Variants in GANC observed in about 807,000 individuals in gnomAD.
GANC encodes the protein glucosidase alpha, neutral C.
Under a neutral mutation model 124.2 loss-of-function variants are expected in GANC, and 117 were observed. That is an observed-to-expected ratio of 0.94 (90% CI 0.81 to 1.10). GANC has a LOEUF of 1.10. Among genes scored for constraint, GANC ranks in the 50% least tolerant of loss-of-function variants. The probability of loss-of-function intolerance (pLI) is 0.00; values close to 1 mark genes in which losing one functional copy is unlikely to be tolerated. For synonymous variants in GANC, 377 were observed against 376.8 expected, an observed-to-expected ratio of 1.00 and a Z score of -0.01; for missense variants, 1,140 against 1,095.0, an observed-to-expected ratio of 1.04 and a Z score of -0.58.
chr15:42,293,866 T>C (rs2051866742), intron 5 of GANC, among the ~76,000 whole-genome samples: 1 of 151,296 alleles, frequency 6.6e-6, no homozygotes, highest in South Asian at 2.1e-4. Context: ...CTGGGCAACA[T>C]GGTGAAACCC....
rs192079596 is a variant in GANC, at chr15:42,324,904, G to A, written c.1294-1394G>A. ...ACATTATGACTGTACATACTTAACA[G>A]TACTAAACTGCACACTTAAAAATGG... On this transcript the variant is annotated intron_variant, in intron 11 of 23. Transcript: ENST00000318010. Among the ~76,000 whole-genome samples, 17 of 152,186 alleles carry A rather than the reference G, an allele frequency of 1.1e-4. No homozygotes were observed. The South Asian group carries it at 2.5e-3, about 22-fold the overall frequency.
At chr15:42,348,877 ACTATGGGT>A (rs1366221635) in intron 21 of GANC, among the ~76,000 whole-genome samples, 1 of 152,208 alleles carries the variant, frequency 6.6e-6, no homozygotes, top group Admixed American at 6.5e-5. Context: ...CTTGGGCCAA[ACTATGGGT>A]CCCAGACCCA....
intron 18 of GANC, 128 bp from the exon 19 acceptor site, chr15:42,342,950 C>T (rs113126535): frequency 0.073 from 51,252 of 701,842 alleles, 2,625 homozygotes; most frequent in South Asian, 0.17. Flanking sequence ...TCAAGTCAGT[C>T]TCTGCCTCTC....
chr15:42,352,028 A>C lies in GANC; in HGVS notation c.2636-2A>C. 6.2e-7 allele frequency: 1 copy of C among 1,614,034 alleles called. No homozygotes were observed. The highest frequency in any genetic ancestry group is 2.2e-5 in the East Asian group (1 of 44,880). On this transcript the variant is annotated splice_acceptor_variant, in intron 23 of 23. Transcript: ENST00000318010. LOFTEE classifies it high-confidence loss of function. ...TCCCTCTTTTATTGTCTTGCTATTT[A>C]GATGGTAAAGATCAGCCTGTGGCTT...
intron 10 of GANC, among the ~76,000 whole-genome samples, chr15:42,316,510 A>G (rs548498789): frequency 6.2e-4 from 95 of 152,252 alleles, no homozygotes; most frequent in African/African-American, 2.2e-3. Context: ...ATTTTCTTCT[A>G]TGCGTTTTCT....
chr15:42,273,632 C>T lies in GANC; in HGVS notation c.-850C>T. ...ACCTGGTCAGCTGGGTTAGAGAGATCGCTACATGCCAGCCTGGCCTGAGTC... is the reference window on the plus strand; with the variant it reads ...ACCTGGTCAGCTGGGTTAGAGAGATTGCTACATGCCAGCCTGGCCTGAGTC... On this transcript the variant is annotated 5_prime_UTR_variant, in exon 1 of 24. Transcript: ENST00000318010. The T allele has an allele frequency of 3.2e-6, 2 of 615,628 alleles. No individual in the cohort carries two copies. The highest frequency in any genetic ancestry group is 4.1e-5 in the South Asian group (2 of 48,238). 38.1% of individuals were successfully genotyped at this position (615,628 alleles called of 1,614,324 possible).
At chr15:42,314,548 T>C (rs1376344404) in intron 10 of GANC, 2 of 229,384 alleles carry the variant, frequency 8.7e-6, no homozygotes, top group African/African-American at 4.7e-5. Context: ...AATGAAAGAA[T>C]AGACACTAAA....
At chr15:42,326,973 T>C (rs1304123969) in intron 12 of GANC, among the ~76,000 whole-genome samples, 2 of 152,362 alleles carry the variant, frequency 1.3e-5, no homozygotes, top group East Asian at 1.9e-4. Flanking sequence ...CATAAATCCA[T>C]GCACTGTAGA....
At chr15:42,285,075 A>G (rs897823388) in intron 3 of GANC, among the ~76,000 whole-genome samples, 5 of 152,230 alleles carry the variant, frequency 3.3e-5, no homozygotes, top group African/African-American at 1.2e-4. Flanking sequence ...TATTTTATTT[A>G]TAAATATCCA....
chr15:42,325,011 C>T (rs1455170154), intron 11 of GANC, among the ~76,000 whole-genome samples: 2 of 152,040 alleles, frequency 1.3e-5, no homozygotes, highest in African/African-American at 4.8e-5. Context: ...CACCTGTAAT[C>T]CCAGCACTTT....
intron 10 of GANC, among the ~76,000 whole-genome samples, chr15:42,311,892 A>G (rs925206976): frequency 6.6e-6 from 1 of 152,232 alleles, no homozygotes; most frequent in Non-Finnish European, 1.5e-5. Flanking sequence ...CGCAATGAAC[A>G]ATCCAAAAAA....
At chr15:42,346,474 G>T (rs2052364734) in intron 20 of GANC, among the ~76,000 whole-genome samples, 1 of 152,132 alleles carries the variant, frequency 6.6e-6, no homozygotes, top group South Asian at 2.1e-4. Flanking sequence ...GCTGAAAACT[G>T]TTTAATTGTA....
At chr15:42,344,391 C>G (rs943391984) in intron 19 of GANC, among the ~76,000 whole-genome samples, 1 of 152,122 alleles carries the variant, frequency 6.6e-6, no homozygotes, top group Admixed American at 6.5e-5. Context: ...CTTCATGTTG[C>G]CTTTTCCTCT....
intron 13 of GANC, 128 bp downstream of exon 13, chr15:42,327,570 A>G (rs919777624): frequency 2.6e-4 from 196 of 751,566 alleles, no homozygotes; most frequent in Non-Finnish European, 4.0e-4. Flanking sequence ...TTAAAAGGCA[A>G]GTATGGCCAC....
chr15:42,329,355 T>C lies in GANC; in HGVS notation c.1550T>C (p.Val517Ala). 1 of 1,614,000 alleles carries C rather than the reference T, an allele frequency of 6.2e-7. No homozygotes were observed. The highest frequency in any genetic ancestry group is 8.5e-7 in the Non-Finnish European group (1 of 1,179,930). ...TGGAATGACATGAATGAGCCTTCTGTCTTTAGAGGGCCAGAGCAAACCATG... is the reference window on the plus strand; with the variant it reads ...TGGAATGACATGAATGAGCCTTCTGCCTTTAGAGGGCCAGAGCAAACCATG... ...FLWNDMNEPS[V>A]FRGPEQTMQK... The change falls in exon 14 of 24, where the codon GTC (valine) becomes GCC (alanine). Residue 517 changes from valine (V) to alanine (A), a missense_variant. Physicochemically the swap from Val to Ala is moderately conservative, Grantham distance 64. Transcript: ENST00000318010.
chr15:42,276,218 C>T (rs1195966455), intron 1 of GANC, 130 bp from the exon 2 acceptor site: 2 of 603,914 alleles, frequency 3.3e-6, no homozygotes, highest in Non-Finnish European at 3.0e-6. Flanking sequence ...GTGGCCGTGA[C>T]ACAATTTTGC....
intron 15 of GANC, among the ~76,000 whole-genome samples, chr15:42,332,421 G>A (rs1164196186): frequency 6.6e-6 from 1 of 152,134 alleles, no homozygotes; most frequent in East Asian, 1.9e-4. Flanking sequence ...GATCTCTTAT[G>A]TTGGTCCATT....
At chr15:42,300,452 A>G (rs1399904382) in intron 6 of GANC, among the ~76,000 whole-genome samples, 2 of 152,196 alleles carry the variant, frequency 1.3e-5, no homozygotes, top group Non-Finnish European at 2.9e-5. Context: ...TCAAAAAACA[A>G]TAGATGCTGG....
chr15:42,305,086 C>T (rs899612966), intron 6 of GANC, among the ~76,000 whole-genome samples: 1 of 152,126 alleles, frequency 6.6e-6, no homozygotes, highest in Non-Finnish European at 1.5e-5. Context: ...AAAGTAATAG[C>T]AACAAAAGCC....
Sources: gnomAD v4.1 joint callset for allele counts (sites outside exome capture counted in the v4.1 genomes callset) on GRCh38, gnomAD v4.1.1 for gene constraint, MANE v1.5 for transcripts, NCBI Gene and HGNC (gene_info 2026-07-23, HGNC 2026-07-21) for gene names.